Variants in GUCA1C observed in about 807,000 individuals in gnomAD.
GUCA1C encodes guanylate cyclase activator 1C, also known as guanylyl cyclase-activating protein 3.
A neutral mutation model predicts 16.2 loss-of-function variants in GUCA1C; 15 were observed. The observed-to-expected ratio is 0.93, with a 90% CI of 0.62 to 1.43. The LOEUF (loss-of-function observed/expected upper bound fraction) is 1.43. Among genes scored for constraint, GUCA1C ranks in the 40% most tolerant of loss-of-function variants. The pLI, the probability that GUCA1C is intolerant of heterozygous loss-of-function variation, is 0.00. For synonymous variants in GUCA1C, 78 were observed against 85.4 expected (o/e 0.91, Z 0.48); for missense variants, 275 against 244.8 (o/e 1.12, Z -0.82).
chr3:108,945,730 A>T (rs1056568215), intron 1 of GUCA1C, among the ~76,000 whole-genome samples: 8 of 152,202 alleles, frequency 5.3e-5, no homozygotes, highest in African/African-American at 1.9e-4. Flanking sequence ...AAAGGCCTAT[A>T]ATTAAAAACA....
chr3:108,911,184 G>T (rs1454923632), intron 3 of GUCA1C, among the ~76,000 whole-genome samples: 1 of 152,052 alleles, frequency 6.6e-6, no homozygotes, highest in African/African-American at 2.4e-5. Flanking sequence ...TGTTTAATTA[G>T]TCCTGTTTTT....
At position 108,941,007 on chromosome 3, in the gene GUCA1C, T is replaced by C. The variant is rs534983259; in HGVS notation, c.204+12552A>G. Among the ~76,000 whole-genome samples the C allele has an allele frequency of 1.9e-3, 294 of 152,076 alleles. 1 individual carries two copies. Among genetic ancestry groups the C allele is most frequent in the African/African-American group, 7.0e-3 (289 of 41,472 alleles). The stretch of plus-strand genomic sequence containing the variant: ...ATTCTTCCCAAGGTGCTGCCTGCAC[T>C]CTCCTGTTGCTGGGCTGTGATTCAT... On this transcript the variant is annotated intron_variant, in intron 1 of 3. Coordinates refer to ENST00000261047, the MANE Select transcript of GUCA1C (RefSeq NM_005459.4).
chr3:108,910,012 T>C (rs1227004382), intron 3 of GUCA1C, among the ~76,000 whole-genome samples: 1 of 152,200 alleles, frequency 6.6e-6, no homozygotes, highest in Non-Finnish European at 1.5e-5. Flanking sequence ...CCGACGACAG[T>C]GCTATGAATA....
intron 3 of GUCA1C, among the ~76,000 whole-genome samples, chr3:108,912,465 GCT>G (rs139505400): frequency 0.024 from 3,692 of 151,740 alleles, 174 homozygotes; most frequent in African/African-American, 0.085. Context: ...GTCTCTTCAA[GCT>G]CTCTTTCCTG....
chr3:108,931,683 A>G (rs1284719363), intron 1 of GUCA1C, among the ~76,000 whole-genome samples: 1 of 152,068 alleles, frequency 6.6e-6, no homozygotes, highest in African/African-American at 2.4e-5. Context: ...TTATTCTATG[A>G]ATCAGGAGGA....
intron 1 of GUCA1C, among the ~76,000 whole-genome samples, chr3:108,951,148 T>C (rs949750346): frequency 1.3e-5 from 2 of 149,976 alleles, no homozygotes; most frequent in African/African-American, 4.9e-5. Flanking sequence ...GAAGAGGAAA[T>C]GGGGAGATGT....
chr3:108,921,139 A>G (rs1047259658), intron 1 of GUCA1C, among the ~76,000 whole-genome samples: 4 of 152,186 alleles, frequency 2.6e-5, no homozygotes, highest in African/African-American at 9.7e-5. Context: ...TACGGTCTCC[A>G]TAGCTTTACC....
chr3:108,939,054 C>G (rs11915683), intron 1 of GUCA1C, among the ~76,000 whole-genome samples: 4,613 of 152,170 alleles, frequency 0.03, 263 homozygotes, highest in African/African-American at 0.1. Context: ...GTCACAGTAG[C>G]CTTTTGCAAG....
intron 3 of GUCA1C, among the ~76,000 whole-genome samples, chr3:108,911,157 G>GA (rs1334833826): frequency 6.6e-6 from 1 of 152,112 alleles, no homozygotes; most frequent in African/African-American, 2.4e-5. Context: ...ATTAGTAATA[G>GA]AATAGCTACC....
chr3:108,917,155 A>G (rs547012746), intron 2 of GUCA1C, among the ~76,000 whole-genome samples: 6 of 152,250 alleles, frequency 3.9e-5, no homozygotes, highest in Non-Finnish European at 8.8e-5. Context: ...AGTAATAGTT[A>G]CATACATACA....
intron 2 of GUCA1C, among the ~76,000 whole-genome samples, chr3:108,919,289 T>A (rs1946548723): frequency 6.6e-6 from 1 of 152,142 alleles, no homozygotes; most frequent in African/African-American, 2.4e-5. Flanking sequence ...AAGAAATGCT[T>A]TGGTGGCATC....
At chr3:108,945,791 A>G (rs1414983455) in intron 1 of GUCA1C, among the ~76,000 whole-genome samples, 1 of 152,218 alleles carries the variant, frequency 6.6e-6, no homozygotes, top group African/African-American at 2.4e-5. Context: ...TAAGATGCTT[A>G]TTCTTATATC....
At chr3:108,915,386 C>A (rs1341259410) in intron 3 of GUCA1C, among the ~76,000 whole-genome samples, 4 of 152,180 alleles carry the variant, frequency 2.6e-5, no homozygotes, top group Non-Finnish European at 5.9e-5. Flanking sequence ...TTTTCAAGGA[C>A]CATTCCTAGA....
intron 2 of GUCA1C, among the ~76,000 whole-genome samples, chr3:108,917,073 T>C (rs1946525555): frequency 6.6e-6 from 1 of 152,234 alleles, no homozygotes; most frequent in Non-Finnish European, 1.5e-5. Context: ...TTTATTATCA[T>C]TATTAACCAG....
At chr3:108,942,261 CT>C (rs199821688) in intron 1 of GUCA1C, among the ~76,000 whole-genome samples, 3 of 152,122 alleles carry the variant, frequency 2.0e-5, no homozygotes, top group South Asian at 2.1e-4. Context: ...GAGTGTTAGC[CT>C]TTATGAGTAA....
chr3:108,908,155 A>C lies in GUCA1C; in HGVS notation c.497T>G (p.Leu166Arg). ...GTCGAAGCTCTTGTAAACAATCTCC[A>C]GGAGATCCTGATCTTTTGCCATGCC... ...INGMAKDQDL[L>R]EIVYKSFDFS... The change falls in exon 4 of 4, where the codon CTG becomes CGG. Residue 166 changes from leucine to arginine, a missense_variant. Coordinates refer to ENST00000261047, the MANE Select transcript of GUCA1C (RefSeq NM_005459.4). The C allele has an allele frequency of 6.2e-7, 1 of 1,613,874 alleles. No homozygotes were observed. The highest frequency in any genetic ancestry group is 8.5e-7 in the Non-Finnish European group (1 of 1,179,752).
chr3:108,939,647 T>A (rs192276196), intron 1 of GUCA1C, among the ~76,000 whole-genome samples: 149 of 149,578 alleles, frequency 1.0e-3, no homozygotes, highest in African/African-American at 3.5e-3. Context: ...TTTTTTTTTT[T>A]AACCAGGACT....
chr3:108,923,016 GGTTT>G (rs1209096209), intron 1 of GUCA1C, among the ~76,000 whole-genome samples: 1 of 151,960 alleles, frequency 6.6e-6, no homozygotes, highest in Non-Finnish European at 1.5e-5. Context: ...CTTTTTGGTG[GGTTT>G]GTTTGGTTTT....
chr3:108,936,055 A>G (rs542051328), intron 1 of GUCA1C, among the ~76,000 whole-genome samples: 2 of 152,124 alleles, frequency 1.3e-5, no homozygotes, highest in East Asian at 3.9e-4. Context: ...GCTTGAGCCT[A>G]GGAGCTTGAA....
Sources: gnomAD v4.1 joint callset for allele counts (sites outside exome capture counted in the v4.1 genomes callset) on GRCh38, gnomAD v4.1.1 for gene constraint, MANE v1.5 for transcripts, NCBI Gene and HGNC (gene_info 2026-07-23, HGNC 2026-07-21) for gene names.